Variants in ERBB4 observed in about 807,000 individuals in gnomAD.
ERBB4 encodes receptor tyrosine-protein kinase erbB-4.
Under a neutral mutation model 158.0 loss-of-function variants are expected in ERBB4, and 42 were observed. That is an observed-to-expected ratio of 0.27 (90% CI 0.21 to 0.34). The LOEUF is 0.34. ERBB4 is among the 10% of genes least tolerant of loss of function. The probability of loss-of-function intolerance (pLI) is 1.00; values close to 1 mark genes in which losing one functional copy is unlikely to be tolerated. For synonymous variants in ERBB4, 583 were observed against 558.7 expected (o/e 1.04, Z -0.61); for missense variants, 1,333 against 1,624.1 (o/e 0.82, Z 3.08).
intron 25 of ERBB4, among the ~76,000 whole-genome samples, chr2:211,402,195 A>AGTGTT (rs1182370354): frequency 3.3e-5 from 5 of 152,000 alleles, no homozygotes; most frequent in African/African-American, 1.2e-4. Flanking sequence ...CTAATTCATC[A>AGTGTT]GTGTTGTCTT....
In ERBB4 at chr2:212,070,530, A is replaced by T. The variant is rs570812591; in HGVS notation, c.234+54222T>A. Among the ~76,000 whole-genome samples the T allele has an allele frequency of 3.3e-5, 5 of 152,200 alleles. No homozygotes were observed. The South Asian group carries it at 1.0e-3, about 32-fold the overall frequency. ...AATAGATTTAAGAGTTCAAAAATAAACCCATAATTGATATTTGGTCAATTG... is the reference window on the plus strand; with the variant it reads ...AATAGATTTAAGAGTTCAAAAATAATCCCATAATTGATATTTGGTCAATTG... On this transcript the variant is annotated intron_variant, in intron 2 of 27. Transcript: ENST00000342788.
chr2:211,434,847 A>C (rs1490248305), intron 20 of ERBB4, among the ~76,000 whole-genome samples: 2 of 152,204 alleles, frequency 1.3e-5, no homozygotes, highest in Non-Finnish European at 2.9e-5. Context: ...CCATCAAAAT[A>C]CATGTTTATG....
chr2:211,702,045 T>C lies in ERBB4; in HGVS notation c.1411A>G (p.Thr471Ala). ...CTGAAGAGTGTTGTCCAGTTAATGG[T>C]ATGATAATAACACAGGTTGCTGTTG... is the stretch of plus-strand genomic sequence containing the variant. ...TDNSNLCYYH[T>A]INWTTLFSTI... The change falls in exon 12 of 28, where the codon ACC becomes GCC. Residue 471 changes from threonine (T) to alanine (A), a missense_variant. Around this residue, in one of 5 missense-constraint regions of ERBB4, gnomAD observed 438 missense variants for 586.9 expected, o/e 0.75. Transcript: ENST00000342788. 6.2e-7 allele frequency: 1 copy of C among 1,613,906 alleles called. No homozygotes were observed. Among genetic ancestry groups the C allele is most frequent in the Non-Finnish European group, 8.5e-7 (1 of 1,179,798 alleles).
At position 212,215,946 on chromosome 2, in the gene ERBB4, G is replaced by A. The variant is rs370875106; in HGVS notation, c.83-91043C>T. 3.3e-5 allele frequency among the ~76,000 whole-genome samples: 5 copies of A among 151,476 alleles called. No homozygotes were observed. In the South Asian group the frequency reaches 1.0e-3, roughly 31 times the overall value. On this transcript the variant is annotated intron_variant, in intron 1 of 27. Transcript: ENST00000342788. ...AAGAGAACATCATTAGAGTGATGTA[G>A]CACTGGTAATAAACCCCTTCACACT...
intron 1 of ERBB4, among the ~76,000 whole-genome samples, chr2:212,186,840 T>C (rs1349419397): frequency 6.6e-6 from 1 of 152,182 alleles, no homozygotes; most frequent in Admixed American, 6.5e-5. Flanking sequence ...ATGTTTGCTA[T>C]TTTCTCTATA....
intron 5 of ERBB4, among the ~76,000 whole-genome samples, chr2:211,747,214 A>C (rs763844018): frequency 2.0e-5 from 3 of 152,096 alleles, no homozygotes; most frequent in African/African-American, 7.2e-5. Context: ...AGATTTCTCA[A>C]CCCTCAGTAC....
chr2:211,879,134 C>T (rs1486654970), intron 3 of ERBB4, among the ~76,000 whole-genome samples: 1 of 151,998 alleles, frequency 6.6e-6, no homozygotes, highest in Non-Finnish European at 1.5e-5. Context: ...TTCTTTTCCC[C>T]TAGAATTCAC....
intron 1 of ERBB4, among the ~76,000 whole-genome samples, chr2:212,436,499 G>T (rs1013620204): frequency 1.3e-5 from 2 of 151,980 alleles, no homozygotes; most frequent in South Asian, 2.1e-4. Flanking sequence ...AGAGGAAAAA[G>T]AATAAGATAA....
At chr2:211,454,310 C>T (rs1413065109) in intron 20 of ERBB4, among the ~76,000 whole-genome samples, 1 of 152,070 alleles carries the variant, frequency 6.6e-6, no homozygotes, top group African/African-American at 2.4e-5. Flanking sequence ...CCTATTAATC[C>T]TTAAGAGCTT....
chr2:211,892,087 G>T (rs1362947582), intron 3 of ERBB4, among the ~76,000 whole-genome samples: 107 of 94,180 alleles, frequency 1.1e-3, no homozygotes, highest in Middle Eastern at 5.2e-3. Context: ...TACCAAAGCC[G>T]GGCAGAGACA....
intron 19 of ERBB4, among the ~76,000 whole-genome samples, chr2:211,580,225 A>G (rs980561584): frequency 6.6e-6 from 1 of 152,196 alleles, no homozygotes; most frequent in South Asian, 2.1e-4. Flanking sequence ...GAGTGGGAGA[A>G]AATCTTCACA....
At chr2:211,413,353 T>TA (rs529107649) in intron 25 of ERBB4, among the ~76,000 whole-genome samples, 2,603 of 85,866 alleles carry the variant, frequency 0.03, 102 homozygotes, top group African/African-American at 0.1. Context: ...CACACATTGA[T>TA]AAAAAAAAAA....
At position 212,047,762 on chromosome 2, in the gene ERBB4, G is replaced by A. The variant is rs538617282; in HGVS notation, c.234+76990C>T. 8.2e-4 allele frequency among the ~76,000 whole-genome samples: 125 copies of A among 151,942 alleles called. 2 individuals carry two copies. Among genetic ancestry groups the A allele is most frequent in the African/African-American group, 2.8e-3 (118 of 41,412 alleles). ...GCCTCCCAAAGTGCTAGGATTAGAG[G>A]CATGAGCCACCGTGCCCAGCCCTTC... On this transcript the variant is annotated intron_variant, in intron 2 of 27. Coordinates refer to ENST00000342788, the MANE Select transcript of ERBB4 (RefSeq NM_005235.3).
intron 4 of ERBB4, among the ~76,000 whole-genome samples, chr2:211,753,060 T>C (rs2075180154): frequency 1.3e-5 from 2 of 152,234 alleles, no homozygotes; most frequent in Admixed American, 6.5e-5. Flanking sequence ...GCTTTAGTTT[T>C]ACTCTTCAAA....
At chr2:212,002,805 TCCCAGCA>T (rs2076136561) in intron 2 of ERBB4, among the ~76,000 whole-genome samples, 1 of 152,022 alleles carries the variant, frequency 6.6e-6, no homozygotes, top group Non-Finnish European at 1.5e-5. Flanking sequence ...ACGCCTGTAA[TCCCAGCA>T]CTTTGGGAGG....
chr2:211,917,144 A>G (rs1361750131), intron 3 of ERBB4, among the ~76,000 whole-genome samples: 1 of 152,172 alleles, frequency 6.6e-6, no homozygotes, highest in Non-Finnish European at 1.5e-5. Context: ...GTGCCATAAG[A>G]CAGAGTTAAA....
intron 1 of ERBB4, among the ~76,000 whole-genome samples, chr2:212,221,552 A>G (rs1406576880): frequency 6.6e-6 from 1 of 151,502 alleles, no homozygotes; most frequent in African/African-American, 2.4e-5. Context: ...TGCCAAAGAC[A>G]TAGATAAATA....
At chr2:212,089,611 C>T (rs2078715093) in intron 2 of ERBB4, among the ~76,000 whole-genome samples, 1 of 152,118 alleles carries the variant, frequency 6.6e-6, no homozygotes, top group East Asian at 1.9e-4. Flanking sequence ...TCTCTGGAAC[C>T]TGCTCCTGCC....
chr2:212,425,389 T>C (rs764094550), intron 1 of ERBB4, among the ~76,000 whole-genome samples: 5 of 148,688 alleles, frequency 3.4e-5, no homozygotes, highest in African/African-American at 4.9e-5. Context: ...TGAACATATA[T>C]GTATATGTAT....
Sources: gnomAD v4.1 joint callset for allele counts (sites outside exome capture counted in the v4.1 genomes callset) on GRCh38, gnomAD v4.1.1 for gene constraint, gnomAD v4.1.1 regional missense constraint, MANE v1.5 for transcripts, NCBI Gene and HGNC (gene_info 2026-07-23, HGNC 2026-07-21) for gene names.